Variants in COCH observed in about 807,000 individuals in gnomAD.
The protein encoded by COCH is coagulation factor C homolog, cochlin (Limulus polyphemus).
Under a neutral mutation model 54.8 loss-of-function variants are expected in COCH, and 40 were observed. That is an observed-to-expected ratio of 0.73 (90% CI 0.57 to 0.95). COCH has a LOEUF of 0.95. Among genes scored for constraint, COCH ranks in the 40% least tolerant of loss-of-function variants. COCH has a pLI of 0.00. For missense variants in COCH, 605 were observed against 675.0 expected (o/e 0.90, Z 1.15); for synonymous variants, 256 against 237.9 (o/e 1.08, Z -0.70).
At chr14:30,882,319 A>T (rs1018613770) in intron 8 of COCH, among the ~76,000 whole-genome samples, 2 of 151,486 alleles carry the variant, frequency 1.3e-5, no homozygotes, top group African/African-American at 4.9e-5. Flanking sequence ...TAGTAGAGAC[A>T]AGGTTTCACC....
At position 30,880,682 on chromosome 14, in the gene COCH, C is replaced by G. The variant is rs1454990356; in HGVS notation, c.577C>G (p.Leu193Val). Residue 193 changes from leucine to valine, a missense_variant, in exon 8 of 12, where the codon CTA becomes GTA. Transcript: ENST00000396618. ...GAAGAATTTTGTTGGAAAAGTGGCT[C>G]TAATGTTGGGAATTGGAACAGAAGG... ...LQKNFVGKVALMLGIGTEGPH... is the reference protein window; with the variant it reads ...LQKNFVGKVAVMLGIGTEGPH... The G allele has an allele frequency of 6.2e-7, 1 of 1,613,880 alleles. No individual in the cohort carries two copies. The highest frequency in any genetic ancestry group is 1.1e-5 in the South Asian group (1 of 91,080).
downstream of COCH, among the ~76,000 whole-genome samples, chr14:30,891,033 T>TATC (rs1013518367): frequency 1.3e-5 from 1 of 77,452 alleles, no homozygotes; most frequent in African/African-American, 5.2e-5. Flanking sequence ...AGCAAGACCC[T>TATC]ATCTCCAAAA....
chr14:30,885,174 A>G, intron 9 of COCH: 3 of 1,181,244 alleles, frequency 2.5e-6, no homozygotes, highest in African/African-American at 1.5e-5. Context: ...GGGAACTAAT[A>G]TGGCTTGTGA....
chr14:30,894,893 CTTTTTTT>C (rs34255465), downstream of COCH: 4 of 708,566 alleles, frequency 5.6e-6, no homozygotes, highest in African/African-American at 8.5e-5. Context: ...TTTTCTTTTT[CTTTTTTT>C]TTTTTTTTAA....
At chr14:30,875,149 G>A in intron 3 of COCH, 46 bp downstream of exon 3, 2 of 1,544,278 alleles carry the variant, frequency 1.3e-6, no homozygotes, top group Non-Finnish European at 1.7e-6. Flanking sequence ...CAGGGGCTGA[G>A]CACCAGCGGG....
At chr14:30,882,119 G>GTTTTTTTTTTTTTTTTT (rs1566410309) in intron 8 of COCH, among the ~76,000 whole-genome samples, 5 of 84,902 alleles carry the variant, frequency 5.9e-5, no homozygotes, top group Admixed American at 3.3e-4. Context: ...ACTATAAAAT[G>GTTTTTTTTTTTTTTTTT]GTTTTTTTTT....
At chr14:30,893,535 A>G (rs1159827327), downstream of COCH, among the ~76,000 whole-genome samples, 2 of 152,226 alleles carry the variant, frequency 1.3e-5, no homozygotes, top group African/African-American at 4.8e-5. Flanking sequence ...GGGAACAGGT[A>G]TGGCAAATAG....
chr14:30,880,510 T>G lies in COCH; in HGVS notation c.481+14T>G. The G allele has an allele frequency of 6.2e-7, 1 of 1,614,076 alleles. No individual in the cohort carries two copies. ...CTGGCAATAAAGGTAAGAATCAAGA[T>G]CTCCATTTGGGAAGGTAGCATTTTC... On this transcript the variant is annotated intron_variant, in intron 7 of 11. Transcript: ENST00000396618.
chr14:30,894,985 T>A, downstream of COCH: 1 of 857,206 alleles, frequency 1.2e-6, no homozygotes, highest in Non-Finnish European at 1.5e-6. Context: ...GAAAAAAAGC[T>A]ACTCTTGGAG....
chr14:30,880,798 T>G, intron 8 of COCH, 64 bp downstream of exon 8: 2 of 1,142,258 alleles, frequency 1.8e-6, no homozygotes, highest in Non-Finnish European at 2.6e-6. Context: ...CACATAATAA[T>G]TATATATACT....
chr14:30,885,496 CTGA>C lies in COCH; in HGVS notation c.840_842del (p.Asp281del). 6.2e-7 allele frequency: 1 copy of C among 1,613,776 alleles called. No homozygotes were observed. Among genetic ancestry groups the C allele is most frequent in the Non-Finnish European group, 8.5e-7 (1 of 1,179,640 alleles). On this transcript the variant is annotated inframe_deletion, in exon 10 of 12. Transcript: ENST00000396618. ...GTGGTATTTATTGATGGTTGGCCTTCTGATGACATCGAGGAAGCAGGCATTGTG... is the reference window on the plus strand; with the variant it reads ...GTGGTATTTATTGATGGTTGGCCTTCTGACATCGAGGAAGCAGGCATTGTG...
chr14:30,886,449 C>G, intron 11 of COCH, 137 bp downstream of exon 11: 2 of 893,050 alleles, frequency 2.2e-6, no homozygotes, highest in African/African-American at 3.4e-5. Context: ...TAAAGCAGCC[C>G]TACTCATCTC....
chr14:30,879,001 T>G, intron 5 of COCH, 57 bp downstream of exon 5: 1 of 1,605,134 alleles, frequency 6.2e-7, no homozygotes, highest in Non-Finnish European at 8.5e-7. Context: ...AAACGTTTTC[T>G]GCTTTTTTTA....
At chr14:30,894,776 C>T (rs1299469387), downstream of COCH, 3 of 224,406 alleles carry the variant, frequency 1.3e-5, no homozygotes, top group Non-Finnish European at 2.5e-5. Context: ...AACTTCAATA[C>T]AATCTTGAGC....
chr14:30,879,502 CT>C lies in COCH; in HGVS notation c.436+18del, dbSNP rs1164330867. 2 of 1,612,832 alleles carry C rather than the reference CT, an allele frequency of 1.2e-6. No homozygotes were observed. Among genetic ancestry groups the C allele is most frequent in the Admixed American group, 3.3e-5 (2 of 60,006 alleles). On this transcript the variant is annotated intron_variant, in intron 6 of 11. Transcript: ENST00000396618. The stretch of plus-strand genomic sequence containing the variant: ...CACCAACAGGTATGAACTATGAAAC[CT>C]ATCTCCTAGTTGCCCGGCACAGCAT...
intron 5 of COCH, 150 bp from the exon 6 acceptor site, chr14:30,879,273 G>T: frequency 1.2e-6 from 1 of 818,510 alleles, no homozygotes; most frequent in South Asian, 1.6e-5. Flanking sequence ...AAGCATTTTG[G>T]TTCTCTGAAA....
At chr14:30,887,427 C>T (rs1183645697) in intron 11 of COCH, among the ~76,000 whole-genome samples, 1 of 150,988 alleles carries the variant, frequency 6.6e-6, no homozygotes, top group African/African-American at 2.4e-5. Context: ...AAAACTTTTT[C>T]CCCCCCGCTT....
downstream of COCH, among the ~76,000 whole-genome samples, chr14:30,893,173 T>TG (rs1896031880): frequency 9.8e-6 from 1 of 102,232 alleles, no homozygotes; most frequent in African/African-American, 3.7e-5. Context: ...TTTTTTTTTT[T>TG]GAGACGGAGT....
At chr14:30,881,750 A>T (rs1895594075) in intron 8 of COCH, among the ~76,000 whole-genome samples, 1 of 151,988 alleles carries the variant, frequency 6.6e-6, no homozygotes, top group Non-Finnish European at 1.5e-5. Flanking sequence ...CGGGGTCAGG[A>T]GATTGAGACC....
Sources: gnomAD v4.1 joint callset for allele counts (sites outside exome capture counted in the v4.1 genomes callset) on GRCh38, gnomAD v4.1.1 for gene constraint, MANE v1.5 for transcripts, NCBI Gene and HGNC (gene_info 2026-07-23, HGNC 2026-07-21) for gene names.